Variants in IL17RB observed in about 807,000 individuals in gnomAD.
IL17RB encodes the protein interleukin 17 receptor B, also known as interleukin-17 receptor B.
IL17RB carries 36 observed loss-of-function variants against 43.9 expected under a neutral mutation model. The observed-to-expected ratio is 0.82, with a 90% confidence interval of 0.63 to 1.08. IL17RB has a LOEUF of 1.08. Among genes scored for constraint, IL17RB ranks in the 50% least tolerant of loss-of-function variants. The pLI is 0.00. For synonymous variants in IL17RB, 225 were observed against 225.4 expected, an observed-to-expected ratio of 1.00 and a Z score of 0.02; for missense variants, 613 against 613.6, an observed-to-expected ratio of 1.00 and a Z score of 0.01.
chr3:53,852,623 G>T (rs3733074), intron 4 of IL17RB, among the ~76,000 whole-genome samples: 1 of 152,086 alleles, frequency 6.6e-6, no homozygotes, highest in Non-Finnish European at 1.5e-5. Flanking sequence ...CAGCATCTCT[G>T]GGCCTCAGTT....
chr3:53,849,912 C>T lies in IL17RB; in HGVS notation c.226+117C>T, dbSNP rs142492866. 239 of 1,005,114 alleles carry T rather than the reference C, an allele frequency of 2.4e-4. No individual in the cohort carries two copies. In the African/African-American group the frequency reaches 3.0e-3, roughly 13 times the overall value. 62.3% of individuals were successfully genotyped at this position (1,005,114 alleles called of 1,614,324 possible). ...TAACCAACAGAAATACATGCATACA[C>T]GCACCAAAAGCCACATACTAGGGTG... On this transcript the variant is annotated intron_variant, in intron 3 of 10. Coordinates refer to ENST00000288167, the MANE Select transcript of IL17RB (RefSeq NM_018725.4).
At chr3:53,857,942 C>T (rs953936883) in intron 8 of IL17RB, 52 of 486,470 alleles carry the variant, frequency 1.1e-4, no homozygotes, top group Non-Finnish European at 1.6e-4. Flanking sequence ...TTTTCATTTT[C>T]TGTCACAGAC....
chr3:53,852,606 T>C (rs3733073), intron 4 of IL17RB, among the ~76,000 whole-genome samples: 86,268 of 152,008 alleles, frequency 0.57, 26,251 homozygotes, highest in East Asian at 0.95. Flanking sequence ...TTGTGCCTTT[T>C]GTAAGTCAGC....
rs764341414 is a variant in IL17RB, at chr3:53,849,734, T to C, written c.165T>C (p.Thr55=). 8.7e-6 allele frequency: 14 copies of C among 1,611,726 alleles called. No homozygotes were observed. The South Asian group carries it at 1.2e-4, about 14-fold the overall frequency. Reference sequence around the variant, plus strand: ...ACCTCCGAGTAGAACCTGTTACAACTAGTGTTGCAACAGGGGACTATTCAA... The same window carrying C: ...ACCTCCGAGTAGAACCTGTTACAACCAGTGTTGCAACAGGGGACTATTCAA... ...LRDLRVEPVT[T]SVATGDYSIL... is the part of the protein sequence containing the mutation. The change falls in exon 3 of 11, where the codon ACT becomes ACC. Residue 55 remains threonine (T), a synonymous_variant. Transcript: ENST00000288167.
In IL17RB at chr3:53,858,830, G is replaced by C; in HGVS notation, c.847+12G>C. ...CCCTCTGGATAACAGTAAGTGCCCAGTAACTTCAACCAGATGATCAAAGTG... is the reference window on the plus strand; with the variant it reads ...CCCTCTGGATAACAGTAAGTGCCCACTAACTTCAACCAGATGATCAAAGTG... On this transcript the variant is annotated intron_variant, in intron 9 of 10. Transcript: ENST00000288167. 1 of 1,600,746 alleles carries C rather than the reference G, an allele frequency of 6.2e-7. No homozygotes were observed. Among genetic ancestry groups the C allele is most frequent in the Non-Finnish European group, 8.6e-7 (1 of 1,167,972 alleles).
At chr3:53,863,421 T>C (rs556632222) in intron 10 of IL17RB, among the ~76,000 whole-genome samples, 33 of 152,256 alleles carry the variant, frequency 2.2e-4, no homozygotes, top group Non-Finnish European at 4.3e-4. Flanking sequence ...CTTCTCCATA[T>C]GTAGGAAAGG....
At chr3:53,853,253 T>A (rs1293802930) in intron 5 of IL17RB, among the ~76,000 whole-genome samples, 7 of 152,238 alleles carry the variant, frequency 4.6e-5, no homozygotes, top group African/African-American at 1.7e-4. Flanking sequence ...ATCATCTCAC[T>A]TAAGCATCTC....
chr3:53,858,259 G>C, intron 8 of IL17RB: 1 of 750,018 alleles, frequency 1.3e-6, no homozygotes, highest in Non-Finnish European at 1.6e-6. Context: ...GGCATAAAAA[G>C]TGCTCAAACA....
At position 53,865,566 on chromosome 3, in the gene IL17RB, T is replaced by C; in HGVS notation, c.*258T>C. 4.7e-6 allele frequency: 2 copies of C among 429,512 alleles called. No homozygotes were observed. Among genetic ancestry groups the C allele is most frequent in the Non-Finnish European group, 8.3e-6 (2 of 241,252 alleles). 26.6% of individuals were successfully genotyped at this position (429,512 alleles called of 1,614,324 possible). A position where few individuals can be genotyped will look rare whatever the true frequency, so the allele number is the denominator to read the frequency against. Reference sequence around the variant, plus strand: ...TAATTGAAAACTATAACCATTTTGATAATGCAACAATAAAGCATCTTCAGC... The same window carrying C: ...TAATTGAAAACTATAACCATTTTGACAATGCAACAATAAAGCATCTTCAGC... On this transcript the variant is annotated 3_prime_UTR_variant, in exon 11 of 11. Transcript: ENST00000288167.
chr3:53,849,861 T>C, intron 3 of IL17RB, 66 bp downstream of exon 3: 1 of 1,446,140 alleles, frequency 6.9e-7, no homozygotes, highest in South Asian at 1.4e-5. Flanking sequence ...GCAGACTATA[T>C]GAACCATTAA....
intron 7 of IL17RB, 72 bp downstream of exon 7, chr3:53,857,058 G>C (rs1699363339): frequency 6.6e-7 from 1 of 1,521,178 alleles, no homozygotes; most frequent in Non-Finnish European, 9.1e-7. Flanking sequence ...AATGGGGACA[G>C]TGTTGTCCAA....
At chr3:53,851,960 G>T in intron 3 of IL17RB, 39 bp from the exon 4 acceptor site, 1 of 1,613,152 alleles carries the variant, frequency 6.2e-7, no homozygotes. Flanking sequence ...CACACAGCAA[G>T]TGCTAAATAA....
chr3:53,853,070 C>A (rs1466040133), intron 5 of IL17RB, 73 bp downstream of exon 5: 31 of 1,575,962 alleles, frequency 2.0e-5, no homozygotes, highest in Non-Finnish European at 2.4e-5. Flanking sequence ...CAGAGAGAGC[C>A]CAGGGAACCC....
At chr3:53,851,069 C>T (rs1318677291) in intron 3 of IL17RB, among the ~76,000 whole-genome samples, 1 of 152,218 alleles carries the variant, frequency 6.6e-6, no homozygotes, top group Non-Finnish European at 1.5e-5. Flanking sequence ...GATTACTTTT[C>T]CACTTCCCAG....
chr3:53,862,998 G>A (rs1343632602), intron 10 of IL17RB, among the ~76,000 whole-genome samples: 1 of 152,084 alleles, frequency 6.6e-6, no homozygotes, highest in East Asian at 1.9e-4. Flanking sequence ...TTCCTCGTCA[G>A]CCTACTCAAC....
chr3:53,847,964 G>GT (rs1356302004), intron 1 of IL17RB, among the ~76,000 whole-genome samples: 7 of 152,214 alleles, frequency 4.6e-5, no homozygotes, highest in African/African-American at 1.7e-4. Flanking sequence ...GCTGCTGGAC[G>GT]TATCACATTG....
chr3:53,854,961 C>T (rs9878562), intron 5 of IL17RB, among the ~76,000 whole-genome samples: 85,536 of 151,670 alleles, frequency 0.56, 25,842 homozygotes, highest in East Asian at 0.95. Context: ...TAGAGCCCCA[C>T]AAAAAATTAG....
rs750034438 is a variant in IL17RB, at chr3:53,860,242, T to G, written c.946+14T>G. 43 of 1,584,848 alleles carry G rather than the reference T, an allele frequency of 2.7e-5. No individual in the cohort carries two copies. The highest frequency in any genetic ancestry group is 3.7e-5 in the Non-Finnish European group (43 of 1,161,406). On this transcript the variant is annotated intron_variant, in intron 10 of 10. Coordinates refer to ENST00000288167, the MANE Select transcript of IL17RB (RefSeq NM_018725.4). ...TGTGGAGGCACGGTAAGGGTTATAA[T>G]TCTTTAAAGACATCCTAGTAAGGAA...
chr3:53,848,840 C>T (rs1464130961), intron 2 of IL17RB, 152 bp downstream of exon 2: 6 of 863,148 alleles, frequency 7.0e-6, no homozygotes, highest in Middle Eastern at 2.4e-4. Flanking sequence ...TCTGTCTGCT[C>T]GAAGCAGAAC....
Sources: gnomAD v4.1 joint callset for allele counts (sites outside exome capture counted in the v4.1 genomes callset) on GRCh38, gnomAD v4.1.1 for gene constraint, MANE v1.5 for transcripts, NCBI Gene and HGNC (gene_info 2026-07-23, HGNC 2026-07-21) for gene names.